MFHAS1: variants seen among roughly 807,000 people sequenced by gnomAD.
MFHAS1 encodes the protein malignant fibrous histiocytoma-amplified sequence 1.
MFHAS1 carries 50 observed loss-of-function variants against 70.4 expected under a neutral mutation model. That is an observed-to-expected ratio of 0.71 (90% CI 0.57 to 0.90). The LOEUF is 0.90. Ranked by LOEUF, MFHAS1 falls within the 40% of genes least tolerant of loss-of-function variation. The probability of loss-of-function intolerance (pLI) is 0.00; values close to 1 mark genes in which losing one functional copy is unlikely to be tolerated. For missense variants in MFHAS1, 1,795 were observed against 1,347.6 expected (o/e 1.33, Z -5.20); for synonymous variants, 952 against 620.0 (o/e 1.54, Z -7.96).
At chr8:8,797,943 A>G (rs1408958097) in intron 1 of MFHAS1, among the ~76,000 whole-genome samples, 2 of 152,202 alleles carry the variant, frequency 1.3e-5, no homozygotes, top group African/African-American at 4.8e-5. Flanking sequence ...TATATAAATG[A>G]TCTGGAAACA....
rs1477943630 is a variant in MFHAS1 at position 8,797,389 on chromosome 8, G to A, written c.3101C>T (p.Pro1034Leu). The stretch of plus-strand genomic sequence containing the variant: ...CTTGGAACAGGGGCTGATCACAGTC[G>A]GCGTGGGTGGGTAAACCAAGGCAAC... The part of the protein sequence containing the change: ...VNVALVYPPT[P>L]TVISPCSKKN... The change falls in exon 2 of 3, where the codon CCG (proline) becomes CTG (leucine). Residue 1034 changes from proline to leucine, a missense_variant. By Grantham distance (98) the Pro-to-Leu change is moderately conservative. Coordinates refer to ENST00000276282, the MANE Select transcript of MFHAS1 (RefSeq NM_004225.3). 1.2e-6 allele frequency: 2 copies of A among 1,613,960 alleles called. No individual in the cohort carries two copies. The highest frequency in any genetic ancestry group is 1.7e-6 in the Non-Finnish European group (2 of 1,180,004).
intron 1 of MFHAS1, among the ~76,000 whole-genome samples, chr8:8,865,790 C>A (rs929589123): frequency 6.6e-6 from 1 of 152,176 alleles, no homozygotes; most frequent in Non-Finnish European, 1.5e-5. Context: ...CACTTAGTGT[C>A]TTAGAAGAAT....
intron 2 of MFHAS1, 74 bp from the exon 3 acceptor site, chr8:8,786,129 G>A (rs959166434): frequency 7.6e-7 from 1 of 1,316,084 alleles, no homozygotes; most frequent in African/African-American, 1.5e-5. Flanking sequence ...AATAAGAAAA[G>A]GAAGTGATGA....
At chr8:8,821,456 G>A (rs529076790) in intron 1 of MFHAS1, among the ~76,000 whole-genome samples, 28 of 152,274 alleles carry the variant, frequency 1.8e-4, no homozygotes, top group African/African-American at 5.8e-4. Flanking sequence ...TCCCAAATTT[G>A]CTTACAACTC....
intron 1 of MFHAS1, among the ~76,000 whole-genome samples, chr8:8,886,339 A>C (rs1004985029): frequency 6.7e-6 from 1 of 150,338 alleles, no homozygotes; most frequent in Non-Finnish European, 1.5e-5. Context: ...TTTATTTTTT[A>C]TTTTTTTTTG....
rs370395671 is a variant in MFHAS1, at chr8:8,873,802, G to A, written c.2998+16259C>T. Reference sequence around the variant, plus strand: ...GTTTTGAGTCAATGAGATACAGTTCGTTCTTAATTATATTTCATTGATTTC... The same window carrying A: ...GTTTTGAGTCAATGAGATACAGTTCATTCTTAATTATATTTCATTGATTTC... On this transcript the variant is annotated intron_variant, in intron 1 of 2. Transcript: ENST00000276282. Among the ~76,000 whole-genome samples the A allele has an allele frequency of 3.9e-5, 6 of 152,238 alleles. No homozygotes were observed. The South Asian group carries it at 1.0e-3, about 26-fold the overall frequency.
intron 1 of MFHAS1, among the ~76,000 whole-genome samples, chr8:8,869,220 T>C (rs1397231833): frequency 2.0e-5 from 3 of 152,042 alleles, no homozygotes; most frequent in African/African-American, 7.3e-5. Flanking sequence ...ACAAAAGCAA[T>C]GCACAGAACA....
intron 1 of MFHAS1, among the ~76,000 whole-genome samples, chr8:8,855,191 G>C (rs1243568616): frequency 6.6e-6 from 1 of 152,214 alleles, no homozygotes; most frequent in Middle Eastern, 3.2e-3. Context: ...GGGCTCAGGG[G>C]ATCCACCCGC....
chr8:8,816,189 G>T (rs1806736045), intron 1 of MFHAS1, among the ~76,000 whole-genome samples: 1 of 152,222 alleles, frequency 6.6e-6, no homozygotes, highest in Non-Finnish European at 1.5e-5. Flanking sequence ...TGAGCAAGGA[G>T]TGAGGGTGAT....
chr8:8,817,079 T>A (rs1806774392), intron 1 of MFHAS1, among the ~76,000 whole-genome samples: 2 of 152,156 alleles, frequency 1.3e-5, no homozygotes, highest in African/African-American at 4.8e-5. Context: ...TAATTAGAGA[T>A]CAGGACACTG....
At chr8:8,813,533 G>A (rs1806628693) in intron 1 of MFHAS1, among the ~76,000 whole-genome samples, 3 of 152,076 alleles carry the variant, frequency 2.0e-5, no homozygotes, top group African/African-American at 7.2e-5. Flanking sequence ...GTGTAGGCCT[G>A]AGCCAATGTG....
intron 1 of MFHAS1, among the ~76,000 whole-genome samples, chr8:8,829,423 G>A (rs1326227893): frequency 1.3e-5 from 2 of 152,220 alleles, no homozygotes; most frequent in Admixed American, 6.5e-5. Flanking sequence ...GCCCATGCCT[G>A]TAATCAGAGC....
Position 8,867,481 on chromosome 8 carries a change from C to T in MFHAS1, c.2998+22580G>A, listed in dbSNP as rs113959883. Among the ~76,000 whole-genome samples, 434 of 152,014 alleles carry T rather than the reference C, an allele frequency of 2.9e-3. 4 individuals are homozygous for T. Among genetic ancestry groups the T allele is most frequent in the African/African-American group, 9.7e-3 (401 of 41,482 alleles). On this transcript the variant is annotated intron_variant, in intron 1 of 2. Transcript: ENST00000276282. ...TGTTTCTACTCTTTTATTATTAATC[C>T]AACCCCAGAATTTTAAAAGTATGCA...
intron 1 of MFHAS1, among the ~76,000 whole-genome samples, chr8:8,875,777 G>C (rs778823767): frequency 6.6e-6 from 1 of 152,068 alleles, no homozygotes; most frequent in Non-Finnish European, 1.5e-5. Context: ...TTTTTTACTA[G>C]AGACGGGGTT....
chr8:8,892,964 A>G lies in MFHAS1; in HGVS notation c.95T>C (p.Leu32Pro). ...GCAGGCCCCGGCGGCGGTAAGCGTGAGCTGGCGCAGGTTGCTCCGCAGCTT... is the reference window on the plus strand; with the variant it reads ...GCAGGCCCCGGCGGCGGTAAGCGTGGGCTGGCGCAGGTTGCTCCGCAGCTT... ...ARKLRSNLRQ[L>P]TLTAAGACPG... The change falls in exon 1 of 3, where the codon CTC becomes CCC. Residue 32 changes from leucine to proline, a missense_variant. By Grantham distance (98) the Leu-to-Pro change is moderately conservative (BLOSUM62 -3). Transcript: ENST00000276282. The surrounding 1 kb of genome is among the most constrained non-coding windows in gnomAD (Gnocchi z 4.7). 1 of 1,542,590 alleles carries G rather than the reference A, an allele frequency of 6.5e-7. No homozygotes were observed. Among genetic ancestry groups the G allele is most frequent in the Non-Finnish European group, 8.7e-7 (1 of 1,146,642 alleles).
chr8:8,819,758 G>A (rs1806884232), intron 1 of MFHAS1, among the ~76,000 whole-genome samples: 1 of 152,116 alleles, frequency 6.6e-6, no homozygotes, highest in Non-Finnish European at 1.5e-5. Flanking sequence ...GAGTGTGGTG[G>A]TATGATCACA....
intron 1 of MFHAS1, among the ~76,000 whole-genome samples, chr8:8,876,572 T>C (rs993328693): frequency 6.6e-6 from 1 of 151,802 alleles, no homozygotes; most frequent in Non-Finnish European, 1.5e-5. Context: ...CCGTCTCTAT[T>C]AAAAATACAA....
At chr8:8,791,919 G>A (rs1805731374) in intron 2 of MFHAS1, among the ~76,000 whole-genome samples, 2 of 152,172 alleles carry the variant, frequency 1.3e-5, no homozygotes, top group East Asian at 1.9e-4. Flanking sequence ...ACTGTGCCAA[G>A]GATAACGTGT....
chr8:8,829,768 G>C (rs1399180174), intron 1 of MFHAS1, among the ~76,000 whole-genome samples: 1 of 152,200 alleles, frequency 6.6e-6, no homozygotes, highest in Non-Finnish European at 1.5e-5. Flanking sequence ...AGGACCAATG[G>C]ATGACAGCAA....
Sources: gnomAD v4.1 joint callset for allele counts (sites outside exome capture counted in the v4.1 genomes callset) on GRCh38, gnomAD v4.1.1 for gene constraint, Gnocchi (gnomAD v3.1) non-coding constraint, MANE v1.5 for transcripts, NCBI Gene and HGNC (gene_info 2026-07-23, HGNC 2026-07-21) for gene names.